TRHDE: variants seen among roughly 807,000 people sequenced by gnomAD.
TRHDE encodes thyrotropin releasing hormone degrading enzyme.
Under a neutral mutation model 125.7 loss-of-function variants are expected in TRHDE, and 72 were observed. The ratio of observed to expected loss-of-function variants is 0.57; its 90% CI spans 0.47 to 0.70. The LOEUF (loss-of-function observed/expected upper bound fraction) is 0.70. Ranked by LOEUF, TRHDE falls within the 30% of genes least tolerant of loss-of-function variation. The probability of loss-of-function intolerance (pLI) is 0.00; values close to 1 mark genes in which losing one functional copy is unlikely to be tolerated. For synonymous variants in TRHDE, 509 were observed against 509.1 expected (o/e 1.00, Z 0.00); for missense variants, 1,110 against 1,327.1 (o/e 0.84, Z 2.54).
chr12:72,180,331 A>G (rs182274314), intron 2 of TRHDE, among the ~76,000 whole-genome samples: 1 of 152,240 alleles, frequency 6.6e-6, no homozygotes, highest in Admixed American at 6.5e-5. Flanking sequence ...TTAATATTAT[A>G]ATAAGAATTA....
At chr12:72,621,886 G>A (rs1873068629) in intron 15 of TRHDE, 135 bp downstream of exon 15, 2 of 634,800 alleles carry the variant, frequency 3.2e-6, no homozygotes, top group Admixed American at 3.5e-5. Context: ...TTTTGTGTCA[G>A]GTTCACAGCT....
intron 12 of TRHDE, among the ~76,000 whole-genome samples, chr12:72,584,631 A>T (rs1871368888): frequency 6.6e-6 from 1 of 152,146 alleles, no homozygotes; most frequent in Non-Finnish European, 1.5e-5. Context: ...TAGATTCCAC[A>T]TATAAGTGAG....
intron 2 of TRHDE, among the ~76,000 whole-genome samples, chr12:72,372,665 GT>G (rs1333719975): frequency 6.6e-6 from 1 of 152,140 alleles, no homozygotes; most frequent in Non-Finnish European, 1.5e-5. Context: ...CCCATTGCTT[GT>G]TTTTCTCAGG....
intron 3 of TRHDE, among the ~76,000 whole-genome samples, chr12:72,450,708 G>T (rs956842660): frequency 6.6e-6 from 1 of 151,988 alleles, no homozygotes; most frequent in South Asian, 2.1e-4. Flanking sequence ...ATTTATTTAG[G>T]AACTTCTACA....
intron 2 of TRHDE, among the ~76,000 whole-genome samples, chr12:72,142,669 C>G (rs1258604654): frequency 6.6e-5 from 10 of 152,070 alleles, no homozygotes; most frequent in African/African-American, 2.2e-4. Flanking sequence ...TACCCTGCAC[C>G]CATATAAACC....
At chr12:72,180,613 T>C (rs1213933148) in intron 2 of TRHDE, among the ~76,000 whole-genome samples, 1 of 152,188 alleles carries the variant, frequency 6.6e-6, no homozygotes, top group Non-Finnish European at 1.5e-5. Context: ...AAAATCAGTT[T>C]CTTTGTCCTG....
intron 2 of TRHDE, among the ~76,000 whole-genome samples, chr12:72,318,259 G>T (rs1868902890): frequency 6.6e-6 from 1 of 151,982 alleles, no homozygotes; most frequent in Admixed American, 6.6e-5. Context: ...AAGAAATGAG[G>T]GTACATTCTA....
At chr12:72,281,595 A>C (rs1352926453) in intron 1 of TRHDE, among the ~76,000 whole-genome samples, 1 of 152,202 alleles carries the variant, frequency 6.6e-6, no homozygotes, top group Non-Finnish European at 1.5e-5. Context: ...AAAACCTTTC[A>C]AGTCATCCAT....
intron 2 of TRHDE, among the ~76,000 whole-genome samples, chr12:72,251,422 CT>C (rs34337273): frequency 0.73 from 95,859 of 130,744 alleles, 34,984 homozygotes; most frequent in Non-Finnish European, 0.8. Context: ...GGAATTGGGG[CT>C]TTTTTTTTTT....
intron 10 of TRHDE, among the ~76,000 whole-genome samples, chr12:72,572,608 C>T (rs1592545577): frequency 6.6e-6 from 1 of 152,002 alleles, no homozygotes; most frequent in East Asian, 1.9e-4. Context: ...CCAGCGATCT[C>T]GTTTGTAACA....
chr12:72,315,315 GA>G (rs901333053), intron 2 of TRHDE, among the ~76,000 whole-genome samples: 1 of 151,816 alleles, frequency 6.6e-6, no homozygotes, highest in Non-Finnish European at 1.5e-5. Context: ...AATTTTGTAA[GA>G]AAAAAACCAA....
At chr12:72,413,687 A>G (rs1873610718) in intron 3 of TRHDE, among the ~76,000 whole-genome samples, 1 of 152,042 alleles carries the variant, frequency 6.6e-6, no homozygotes, top group Middle Eastern at 3.2e-3. Context: ...TATAATTAAT[A>G]CACACATTAA....
At chr12:72,212,896 C>T (rs760004239) in intron 2 of TRHDE, among the ~76,000 whole-genome samples, 13 of 151,992 alleles carry the variant, frequency 8.6e-5, no homozygotes, top group African/African-American at 2.4e-4. Flanking sequence ...CTCATAGCAG[C>T]GTTATTCATA....
chr12:72,482,739 C>T (rs971366760), intron 5 of TRHDE, among the ~76,000 whole-genome samples: 9 of 151,838 alleles, frequency 5.9e-5, no homozygotes, highest in Non-Finnish European at 1.2e-4. Context: ...AAGTTTAGAT[C>T]GATTGCCCCT....
At chr12:72,634,085 G>A (rs1299528177) in intron 15 of TRHDE, among the ~76,000 whole-genome samples, 1 of 152,110 alleles carries the variant, frequency 6.6e-6, no homozygotes, top group Non-Finnish European at 1.5e-5. Flanking sequence ...TAGGCCCTGT[G>A]CTAAGCACTG....
At chr12:72,170,822 C>T (rs1407989669) in intron 2 of TRHDE, among the ~76,000 whole-genome samples, 2 of 152,180 alleles carry the variant, frequency 1.3e-5, no homozygotes, top group Non-Finnish European at 2.9e-5. Flanking sequence ...CACAATTTCT[C>T]TCTCTCTCTG....
At chr12:72,366,703 T>C (rs1423883825) in intron 2 of TRHDE, among the ~76,000 whole-genome samples, 5 of 151,888 alleles carry the variant, frequency 3.3e-5, no homozygotes, top group African/African-American at 1.2e-4. Context: ...AAAACCCCCA[T>C]AGTATGTAGC....
chr12:72,635,605 AG>A (rs1873707613), intron 15 of TRHDE, among the ~76,000 whole-genome samples: 1 of 151,944 alleles, frequency 6.6e-6, no homozygotes, highest in South Asian at 2.1e-4. Context: ...GGTAATGCCT[AG>A]GTTTTCTTCT....
chr12:72,523,701 A>G (rs1444139389), intron 6 of TRHDE, among the ~76,000 whole-genome samples: 1 of 152,190 alleles, frequency 6.6e-6, no homozygotes, highest in Non-Finnish European at 1.5e-5. Context: ...TGAAAACCTT[A>G]AACAATGAAT....
Sources: allele counts gnomAD v4.1 joint callset (sites outside exome capture counted in the v4.1 genomes callset), GRCh38; gene constraint gnomAD v4.1.1; transcripts MANE v1.5; gene names NCBI Gene and HGNC (gene_info 2026-07-23, HGNC 2026-07-21).